BAIAP2L1: variants seen among roughly 807,000 people sequenced by gnomAD.
BAIAP2L1 encodes the protein BAR/IMD domain containing adaptor protein 2 like 1.
BAIAP2L1 carries 35 observed loss-of-function variants against 66.3 expected under a neutral mutation model. That is an observed-to-expected ratio of 0.53 (90% CI 0.40 to 0.70). The LOEUF (loss-of-function observed/expected upper bound fraction) is 0.70, where lower values mean the gene tolerates loss of function less well. BAIAP2L1 is among the 30% of genes least tolerant of loss of function. BAIAP2L1 has a pLI of 0.00. For synonymous variants in BAIAP2L1, 269 were observed against 248.7 expected (o/e 1.08, Z -0.77); for missense variants, 622 against 656.9 (o/e 0.95, Z 0.58).
chr7:98,351,440 C>T (rs932611202), intron 3 of BAIAP2L1, among the ~76,000 whole-genome samples: 3 of 152,122 alleles, frequency 2.0e-5, no homozygotes, highest in African/African-American at 7.2e-5. Context: ...GGGAGCTTTG[C>T]TAGCAGCTGG....
Position 98,304,396 on chromosome 7 carries a change from C to A in BAIAP2L1, c.1242-20G>T, listed in dbSNP as rs769884550. 1.9e-6 allele frequency: 3 copies of A among 1,612,996 alleles called. No homozygotes were observed. In the South Asian group the frequency reaches 3.3e-5, roughly 18 times the overall value. ...GTGGGGCTCAAACCCAAAAAGGACACAGCACGTGTTAGATAATGTCTCACC... is the reference window on the plus strand; with the variant it reads ...GTGGGGCTCAAACCCAAAAAGGACAAAGCACGTGTTAGATAATGTCTCACC... On this transcript the variant is annotated intron_variant, in intron 11 of 13. Coordinates refer to ENST00000005260, the MANE Select transcript of BAIAP2L1 (RefSeq NM_018842.5).
intron 1 of BAIAP2L1, among the ~76,000 whole-genome samples, chr7:98,388,470 G>A (rs955121095): frequency 2.0e-5 from 3 of 150,146 alleles, no homozygotes; most frequent in African/African-American, 4.9e-5. Context: ...TCCAGCCTGA[G>A]TGACAGGGCG....
intron 3 of BAIAP2L1, among the ~76,000 whole-genome samples, chr7:98,349,143 G>A (rs985048750): frequency 6.6e-6 from 1 of 152,194 alleles, no homozygotes. Flanking sequence ...GCCCATGGAG[G>A]TTATCTCTTA....
chr7:98,340,422 G>A (rs994653030), intron 3 of BAIAP2L1, among the ~76,000 whole-genome samples: 1 of 152,054 alleles, frequency 6.6e-6, no homozygotes, highest in African/African-American at 2.4e-5. Flanking sequence ...TGAGTAGCTG[G>A]GACTACAGGC....
chr7:98,355,497 A>C (rs996622199), intron 2 of BAIAP2L1: 3 of 183,372 alleles, frequency 1.6e-5, no homozygotes, highest in Non-Finnish European at 3.5e-5. Context: ...GCCCTTTGGG[A>C]GGCTGAGGTG....
At chr7:98,346,825 A>T (rs1801881536) in intron 3 of BAIAP2L1, among the ~76,000 whole-genome samples, 1 of 152,248 alleles carries the variant, frequency 6.6e-6, no homozygotes, top group Non-Finnish European at 1.5e-5. Context: ...AGTCAAACGT[A>T]GATGGAATTA....
intron 12 of BAIAP2L1, among the ~76,000 whole-genome samples, chr7:98,294,947 G>A (rs1454236407): frequency 6.6e-6 from 1 of 152,250 alleles, no homozygotes; most frequent in Non-Finnish European, 1.5e-5. Context: ...AAGCCTGGAG[G>A]GTTTAACACT....
chr7:98,392,096 G>T (rs1306814846), intron 1 of BAIAP2L1, among the ~76,000 whole-genome samples: 1 of 151,582 alleles, frequency 6.6e-6, no homozygotes, highest in Non-Finnish European at 1.5e-5. Flanking sequence ...TGTTACTTGG[G>T]AGGCTGAGGT....
At chr7:98,337,264 C>G (rs1801636384) in intron 3 of BAIAP2L1, among the ~76,000 whole-genome samples, 1 of 150,472 alleles carries the variant, frequency 6.6e-6, no homozygotes, top group Non-Finnish European at 1.5e-5. Flanking sequence ...AAGAGTCTCA[C>G]TCTGTTGCCC....
intron 3 of BAIAP2L1, among the ~76,000 whole-genome samples, chr7:98,336,143 A>AC (rs1362002235): frequency 6.0e-5 from 7 of 116,750 alleles, no homozygotes; most frequent in Non-Finnish European, 1.2e-4. Flanking sequence ...GGGGACTATG[A>AC]GGGGGGGTGG....
At chr7:98,387,764 G>T (rs1802932045) in intron 1 of BAIAP2L1, among the ~76,000 whole-genome samples, 1 of 151,932 alleles carries the variant, frequency 6.6e-6, no homozygotes, top group Non-Finnish European at 1.5e-5. Flanking sequence ...CCACTCAGAA[G>T]GCTGGGGCAG....
chr7:98,359,745 G>GGT (rs1554337632), intron 2 of BAIAP2L1, among the ~76,000 whole-genome samples: 1 of 109,026 alleles, frequency 9.2e-6, no homozygotes, highest in Non-Finnish European at 1.8e-5. Context: ...GTAGACCTGG[G>GGT]TTTTTTTTTT....
chr7:98,292,380 T>A lies in BAIAP2L1; in HGVS notation c.*1141A>T. The A allele has an allele frequency of 2.2e-6, 1 of 457,988 alleles. No homozygotes were observed. Among genetic ancestry groups the A allele is most frequent in the South Asian group, 2.8e-5 (1 of 35,574 alleles). 28.4% of individuals were successfully genotyped at this position (457,988 alleles called of 1,614,324 possible). A position where few individuals can be genotyped will look rare whatever the true frequency, so the allele number is the denominator to read the frequency against. On this transcript the variant is annotated 3_prime_UTR_variant, in exon 14 of 14. Coordinates refer to ENST00000005260, the MANE Select transcript of BAIAP2L1 (RefSeq NM_018842.5). ...CCCACCACCACACCTGTCTAATTTT[T>A]GTATTTTTAGTAGAGACTCCTGACC...
chr7:98,292,926 T>C lies in BAIAP2L1; in HGVS notation c.*595A>G. On this transcript the variant is annotated 3_prime_UTR_variant, in exon 14 of 14. Coordinates refer to ENST00000005260, the MANE Select transcript of BAIAP2L1 (RefSeq NM_018842.5). Reference sequence around the variant, plus strand: ...GGCTGTGATAAGGGCAGGCAAAGCGTCTTAGCACTCTACAGCTCTGGCGTG... The same window carrying C: ...GGCTGTGATAAGGGCAGGCAAAGCGCCTTAGCACTCTACAGCTCTGGCGTG... The C allele has an allele frequency of 7.3e-7, 1 of 1,376,284 alleles. No homozygotes were observed. Among genetic ancestry groups the C allele is most frequent in the Admixed American group, 3.1e-5 (1 of 32,044 alleles). 85.3% of individuals were successfully genotyped at this position (1,376,284 alleles called of 1,614,324 possible).
At chr7:98,319,658 T>C (rs1173659826) in intron 5 of BAIAP2L1, among the ~76,000 whole-genome samples, 1 of 151,424 alleles carries the variant, frequency 6.6e-6, no homozygotes, top group African/African-American at 2.4e-5. Flanking sequence ...GCCATTCTCC[T>C]GCCTCATCCT....
rs1380227043 is a variant in BAIAP2L1, at chr7:98,367,534, C to CTTTTTT, written c.52-5108_52-5103dup. Reference sequence around the variant, plus strand: ...TATAGGCGCGCACCACCACACCTGGCTTTTTTTTTTTTTTTTTGTGAGACG... The same window carrying CTTTTTT: ...TATAGGCGCGCACCACCACACCTGGCTTTTTTTTTTTTTTTTTTTTTTTGTGAGACG... On this transcript the variant is annotated intron_variant, in intron 1 of 13. Transcript: ENST00000005260. Among the ~76,000 whole-genome samples the CTTTTTT allele has an allele frequency of 1.3e-4, 15 of 114,522 alleles. 1 individual carries two copies. The highest frequency in any genetic ancestry group is 5.6e-4 in the South Asian group (2 of 3,570). The allele number at this position is 114,522 out of a possible 152,430, so 75.1% of individuals were successfully genotyped here.
At chr7:98,394,559 AAAATT>A (rs1384318989) in intron 1 of BAIAP2L1, among the ~76,000 whole-genome samples, 4 of 152,222 alleles carry the variant, frequency 2.6e-5, no homozygotes, top group African/African-American at 9.6e-5. Flanking sequence ...AGGAATGGCA[AAAATT>A]AAAAGGATGG....
chr7:98,377,209 C>T (rs2115787885), intron 1 of BAIAP2L1, among the ~76,000 whole-genome samples: 1 of 152,108 alleles, frequency 6.6e-6, no homozygotes, highest in South Asian at 2.1e-4. Context: ...TGCATTTTAC[C>T]CATCTATTTC....
chr7:98,369,680 T>C (rs1054041237), intron 1 of BAIAP2L1, among the ~76,000 whole-genome samples: 1 of 142,058 alleles, frequency 7.0e-6, no homozygotes, highest in African/African-American at 2.6e-5. Flanking sequence ...TTTTTTTTTT[T>C]TTTTTTTTTG....
Sources: gnomAD v4.1 joint callset for allele counts (sites outside exome capture counted in the v4.1 genomes callset) on GRCh38, gnomAD v4.1.1 for gene constraint, MANE v1.5 for transcripts, NCBI Gene and HGNC (gene_info 2026-07-23, HGNC 2026-07-21) for gene names.